SH3YL1: variants seen among roughly 807,000 people sequenced by gnomAD.
SH3YL1 encodes SH3 domain-containing YSC84-like protein 1.
Under a neutral mutation model 45.8 loss-of-function variants are expected in SH3YL1, and 41 were observed. The observed-to-expected ratio is 0.89, with a 90% CI of 0.70 to 1.16. The LOEUF (loss-of-function observed/expected upper bound fraction) is 1.16, where lower values mean the gene tolerates loss of function less well. SH3YL1 is among the 50% of genes most tolerant of loss of function. SH3YL1 has a pLI of 0.00. For missense variants in SH3YL1, 389 were observed against 409.6 expected (o/e 0.95, Z 0.43); for synonymous variants, 152 against 151.4 (o/e 1.00, Z -0.03).
chr2:235,586 G>A (rs1357711288), intron 4 of SH3YL1, among the ~76,000 whole-genome samples: 16 of 61,402 alleles, frequency 2.6e-4, no homozygotes, highest in African/African-American at 1.2e-3. Flanking sequence ...GCAGCAGCAC[G>A]GGCCAGGGGA....
chr2:227,060 T>C (rs1364993506), intron 8 of SH3YL1, among the ~76,000 whole-genome samples: 3 of 151,216 alleles, frequency 2.0e-5, no homozygotes. Flanking sequence ...AGGAAATGCC[T>C]ATGGCGGGAA....
chr2:246,534 A>T (rs1668819125), intron 4 of SH3YL1, among the ~76,000 whole-genome samples: 1 of 149,652 alleles, frequency 6.7e-6, no homozygotes, highest in Non-Finnish European at 1.5e-5. Flanking sequence ...TAGCAGCATG[A>T]TCTATTGAGA....
chr2:257,054 CTTATTA>C (rs201360624), intron 1 of SH3YL1, among the ~76,000 whole-genome samples: 6 of 152,006 alleles, frequency 3.9e-5, no homozygotes, highest in South Asian at 4.1e-4. Context: ...CCTTTAACCA[CTTATTA>C]TTATTATTAT....
rs1235240674 is a variant in SH3YL1, at chr2:247,525, A to G, written c.291+13T>C. The G allele has an allele frequency of 5.2e-6, 8 of 1,550,258 alleles. No homozygotes were observed. The highest frequency in any genetic ancestry group is 1.4e-5 in the African/African-American group (1 of 73,022). On this transcript the variant is annotated intron_variant, in intron 4 of 9. Transcript: ENST00000356150. ...GGATATGGCAGTTGTATGGACGTGC[A>G]CAAGCTACTTACCTCAATTCCTATT...
chr2:243,125 A>G, intron 4 of SH3YL1, among the ~76,000 whole-genome samples: 1 of 152,206 alleles, frequency 6.6e-6, no homozygotes, highest in Non-Finnish European at 1.5e-5. Flanking sequence ...ACAATTAGTC[A>G]TAAGATTATC....
At chr2:245,285 C>T (rs1668746280) in intron 4 of SH3YL1, among the ~76,000 whole-genome samples, 1 of 152,132 alleles carries the variant, frequency 6.6e-6, no homozygotes, top group African/African-American at 2.4e-5. Context: ...CTAGGAGATG[C>T]TTCTTATCTC....
chr2:248,100 A>T (rs965703109), intron 3 of SH3YL1, among the ~76,000 whole-genome samples: 3 of 152,262 alleles, frequency 2.0e-5, no homozygotes, highest in African/African-American at 7.2e-5. Flanking sequence ...GTGCTTAAGC[A>T]GAATAAATAG....
Position 230,837 on chromosome 2 carries a change from T to C in SH3YL1, c.702+186A>G, listed in dbSNP as rs1667999604. On this transcript the variant is annotated intron_variant, in intron 7 of 9. Coordinates refer to ENST00000356150, the MANE Select transcript of SH3YL1 (RefSeq NM_015677.4). ...AGAAATGCAATCACAGAGGACAAATTATGTTTTTCCCTGAAATCTGTACAG... is the reference window on the plus strand; with the variant it reads ...AGAAATGCAATCACAGAGGACAAATCATGTTTTTCCCTGAAATCTGTACAG... 4 of 600,114 alleles carry C rather than the reference T, an allele frequency of 6.7e-6. No individual in the cohort carries two copies. The Admixed American group carries it at 1.2e-4, about 19-fold the overall frequency. 37.2% of individuals were successfully genotyped at this position (600,114 alleles called of 1,614,324 possible).
chr2:233,029 A>C, intron 6 of SH3YL1, 72 bp downstream of exon 6: 1 of 1,369,298 alleles, frequency 7.3e-7, no homozygotes, highest in South Asian at 1.7e-5. Flanking sequence ...TGTACTCTGC[A>C]AATTATATCA....
At chr2:244,272 G>A (rs902072424) in intron 4 of SH3YL1, among the ~76,000 whole-genome samples, 5 of 152,082 alleles carry the variant, frequency 3.3e-5, no homozygotes, top group African/African-American at 9.6e-5. Context: ...CGAGGCAGGC[G>A]GATCACGAGG....
intron 8 of SH3YL1, among the ~76,000 whole-genome samples, chr2:229,728 CAAAAAAAA>C: frequency 1.1e-5 from 1 of 93,366 alleles, no homozygotes; most frequent in Middle Eastern, 6.4e-3. Context: ...GACTCCGTCT[CAAAAAAAA>C]AAAAAAAAAA....
chr2:245,136 C>T (rs549845733), intron 4 of SH3YL1, among the ~76,000 whole-genome samples: 6 of 152,254 alleles, frequency 3.9e-5, no homozygotes, highest in African/African-American at 1.4e-4. Context: ...GCAAACAGTG[C>T]TTTCTGTTAA....
At chr2:256,700 A>G (rs1669347971) in intron 1 of SH3YL1, 1 of 152,252 alleles carries the variant, frequency 6.6e-6, no homozygotes, top group Non-Finnish European at 1.5e-5. Context: ...TCTCAAAAAA[A>G]AGAAAAAGAA....
At chr2:264,801 C>T, upstream of SH3YL1, 2 of 752,750 alleles carry the variant, frequency 2.7e-6, no homozygotes, top group South Asian at 2.0e-5. Flanking sequence ...ACCGCCTCCG[C>T]AGGCGCACTG....
intron 3 of SH3YL1, among the ~76,000 whole-genome samples, chr2:248,016 T>C (rs1346039205): frequency 5.3e-5 from 8 of 152,228 alleles, no homozygotes; most frequent in Non-Finnish European, 4.4e-5. Flanking sequence ...TCGAGAGAGT[T>C]GATTATCTAA....
chr2:226,995 G>A (rs187968741), intron 8 of SH3YL1, among the ~76,000 whole-genome samples: 1 of 152,216 alleles, frequency 6.6e-6, no homozygotes, highest in Non-Finnish European at 1.5e-5. Context: ...TGCATATGGT[G>A]GGTAGCATAC....
chr2:243,565 A>AC lies in SH3YL1; in HGVS notation c.291+3972_291+3973insG, dbSNP rs1558244888. The AC allele has an allele frequency of 2.5e-5, 37 of 1,467,654 alleles. No homozygotes were observed. The South Asian group carries it at 4.8e-4, about 19-fold the overall frequency. The allele number at this position is 1,467,654 out of a possible 1,614,324, so 90.9% of individuals were successfully genotyped here. On this transcript the variant is annotated intron_variant, in intron 4 of 9. Coordinates refer to ENST00000356150, the MANE Select transcript of SH3YL1 (RefSeq NM_015677.4). ...GGAATATGTAGCTGTAAATGTGTCTATTAAAAAAAAAACAGACCTCGAGTC... is the reference window on the plus strand; with the variant it reads ...GGAATATGTAGCTGTAAATGTGTCTACTTAAAAAAAAAACAGACCTCGAGTC...
At position 263,988 on chromosome 2, in the gene SH3YL1, G is replaced by A. The variant is rs1669724484; in HGVS notation, c.-4C>T. 2.7e-6 allele frequency: 4 copies of A among 1,462,818 alleles called. No homozygotes were observed. The African/African-American group carries it at 5.9e-5, about 22-fold the overall frequency. The allele number at this position is 1,462,818 out of a possible 1,614,324, so 90.6% of individuals were successfully genotyped here. A position where few individuals can be genotyped will look rare whatever the true frequency, so the allele number is the denominator to read the frequency against. The stretch of plus-strand genomic sequence containing the variant: ...GGTGGGTCCCCGGGTACTCACTGCT[G>A]CCCGCCCGGCCGCGGCGCCCCGTCC... On this transcript the variant is annotated 5_prime_UTR_variant, in exon 1 of 10. Coordinates refer to ENST00000356150, the MANE Select transcript of SH3YL1 (RefSeq NM_015677.4).
At chr2:260,265 AT>A (rs1225358134) in intron 1 of SH3YL1, 3 of 152,216 alleles carry the variant, frequency 2.0e-5, no homozygotes, top group African/African-American at 7.2e-5. Flanking sequence ...TGCTGGATAC[AT>A]TTGAATTAGT....
Sources: gnomAD v4.1 joint callset for allele counts (sites outside exome capture counted in the v4.1 genomes callset) on GRCh38, gnomAD v4.1.1 for gene constraint, MANE v1.5 for transcripts, NCBI Gene and HGNC (gene_info 2026-07-23, HGNC 2026-07-21) for gene names.